The following KCNAB2 variants were observed in gnomAD, a reference collection of about 807,000 sequenced individuals.
KCNAB2 encodes potassium voltage-gated channel subfamily A regulatory beta subunit 2.
In KCNAB2, 29 loss-of-function variants were observed where a neutral mutation model predicts 63.6. The observed-to-expected ratio is 0.46, with a 90% CI of 0.34 to 0.62. The LOEUF is 0.62. Ranked by LOEUF, KCNAB2 falls within the 20% of genes least tolerant of loss-of-function variation. The pLI is 0.01. For missense variants in KCNAB2, 359 were observed against 563.9 expected, an observed-to-expected ratio of 0.64 and a Z score of 3.68; for synonymous variants, 222 against 224.2, an observed-to-expected ratio of 0.99 and a Z score of 0.09.
In KCNAB2 at chr1:5,994,482, C is replaced by T. The variant is rs138527694; in HGVS notation, c.-53+1694C>T. Among the ~76,000 whole-genome samples the T allele has an allele frequency of 8.2e-4, 125 of 152,358 alleles. No individual in the cohort carries two copies. The highest frequency in any genetic ancestry group is 2.5e-3 in the African/African-American group (105 of 41,576). On this transcript the variant is annotated intron_variant, in intron 1 of 16. Transcript: ENST00000341524. The surrounding 1 kb of genome is among the most constrained non-coding windows in gnomAD (Gnocchi z 5.4). ...GACAGTGTTCGGGCCGCAGCACATC[C>T]CTCGAGAGCAGCATGGTAGGGGCTT...
exon 1 of KCNAB2, chr1:6,034,711 T>C (rs886455058): frequency 6.6e-6 from 1 of 152,398 alleles, no homozygotes; most frequent in African/African-American, 2.4e-5. Context: ...TGGGCTGTGC[T>C]ACCTGCAGTA....
At chr1:6,016,016 T>C (rs536583495) in intron 1 of KCNAB2, among the ~76,000 whole-genome samples, 114 of 152,274 alleles carry the variant, frequency 7.5e-4, no homozygotes, top group Non-Finnish European at 1.4e-3. Context: ...GAGATGTTTT[T>C]ATTTAAAAAA....
intron 2 of KCNAB2, among the ~76,000 whole-genome samples, chr1:6,060,218 C>T (rs1226799981): frequency 6.6e-6 from 1 of 152,236 alleles, no homozygotes; most frequent in Non-Finnish European, 1.5e-5. Flanking sequence ...CTCCCTGGAG[C>T]CCTGCCATAC....
chr1:6,006,886 C>CAATG (rs1426795375), intron 1 of KCNAB2, among the ~76,000 whole-genome samples: 2 of 151,882 alleles, frequency 1.3e-5, no homozygotes, highest in Non-Finnish European at 2.9e-5. Flanking sequence ...ACCTAAAATA[C>CAATG]AATGATAAGA....
chr1:6,049,664 C>T (rs1259348149), intron 1 of KCNAB2, among the ~76,000 whole-genome samples: 2 of 152,208 alleles, frequency 1.3e-5, no homozygotes, highest in Admixed American at 6.5e-5. Flanking sequence ...CTACCCAGCT[C>T]CCTGTAGGGG....
intron 2 of KCNAB2, among the ~76,000 whole-genome samples, chr1:6,054,413 T>C (rs571949742): frequency 6.6e-6 from 1 of 152,230 alleles, no homozygotes; most frequent in South Asian, 2.1e-4. Context: ...GTGGGTTACA[T>C]GAGGCCAGGA....
At chr1:6,001,602 G>A (rs965735608) in intron 1 of KCNAB2, among the ~76,000 whole-genome samples, 1 of 152,184 alleles carries the variant, frequency 6.6e-6, no homozygotes, top group Non-Finnish European at 1.5e-5. Flanking sequence ...CAGTCTGTGT[G>A]AGCAGCAGGA....
upstream of KCNAB2, among the ~76,000 whole-genome samples, chr1:6,045,510 G>A (rs114318352): frequency 9.2e-3 from 1,404 of 152,250 alleles, 16 homozygotes; most frequent in African/African-American, 0.032. The surrounding 1 kb of genome is among the most constrained non-coding windows in gnomAD (Gnocchi z 4.8). Context: ...AGCAGGTTCT[G>A]GGGCCTTCCT....
chr1:6,085,329 T>C (rs151230534), intron 6 of KCNAB2, 81 bp downstream of exon 6: 1 of 1,299,288 alleles, frequency 7.7e-7, no homozygotes, highest in Non-Finnish European at 1.1e-6. Flanking sequence ...CGGCCTGTCG[T>C]GCAGTGTCGT....
chr1:6,079,540 A>T (rs1417769004), intron 4 of KCNAB2, among the ~76,000 whole-genome samples: 2 of 151,792 alleles, frequency 1.3e-5, no homozygotes, highest in Admixed American at 6.6e-5. Context: ...AAATAACCCC[A>T]GTCTTGGATA....
rs777404022 is a variant in KCNAB2 at position 6,005,927 on chromosome 1, C to T, written c.-53+13139C>T. On this transcript the variant is annotated intron_variant, in intron 1 of 16. Transcript: ENST00000341524. The stretch of plus-strand genomic sequence containing the variant: ...CCTCAGCTCAGCTCCCACATCCCCC[C>T]ACTCCACCCTCACCCCTCAGCTCAG... Among the ~76,000 whole-genome samples, 351 of 111,412 alleles carry T rather than the reference C, an allele frequency of 3.2e-3. 2 individuals are homozygous for T. Among genetic ancestry groups the T allele is most frequent in the Middle Eastern group, 9.7e-3 (2 of 206 alleles). 73.1% of individuals were successfully genotyped at this position (111,412 alleles called of 152,430 possible). A position where few individuals can be genotyped will look rare whatever the true frequency, so the allele number is the denominator to read the frequency against.
intron 1 of KCNAB2, among the ~76,000 whole-genome samples, chr1:6,037,278 C>G (rs533727443): frequency 2.0e-4 from 31 of 152,302 alleles, no homozygotes; most frequent in African/African-American, 7.5e-4. Flanking sequence ...GCACCTAGAC[C>G]CAAGAGAGAG....
rs1223296875 is a variant in KCNAB2, at chr1:6,069,182, C to T, written c.219-3573C>T. On this transcript the variant is annotated intron_variant, in intron 2 of 15. Transcript: ENST00000378083. This position sits in a 1 kb window ranked among gnomAD's most constrained non-coding sequence, Gnocchi z 5.4. ...CAGGCGTGCAAACATCATCACTGCA[C>T]GGAGCAGACAGGCGAGCAGGGCACT... 1.3e-5 allele frequency among the ~76,000 whole-genome samples: 2 copies of T among 152,184 alleles called. No individual in the cohort carries two copies. Among genetic ancestry groups the T allele is most frequent in the Non-Finnish European group, 1.5e-5 (1 of 68,030 alleles).
At chr1:6,001,330 A>T (rs1047634417) in intron 1 of KCNAB2, among the ~76,000 whole-genome samples, 33 of 130,108 alleles carry the variant, frequency 2.5e-4, no homozygotes, top group African/African-American at 7.4e-4. Flanking sequence ...ACACACACAC[A>T]CTCTCCCAAC....
upstream of KCNAB2, among the ~76,000 whole-genome samples, chr1:6,031,082 C>T (rs1470868649): frequency 1.3e-5 from 2 of 152,106 alleles, no homozygotes; most frequent in African/African-American, 4.8e-5. The surrounding 1 kb of genome is among the most constrained non-coding windows in gnomAD (Gnocchi z 4.1). Context: ...TCAACCAGAA[C>T]ATGTGGGTAA....
chr1:6,013,894 C>T (rs752966243), intron 1 of KCNAB2, among the ~76,000 whole-genome samples: 72 of 152,186 alleles, frequency 4.7e-4, no homozygotes, highest in Non-Finnish European at 6.0e-4. Context: ...TGGCTGTTCC[C>T]GTATTTGTCT....
rs2100638525 is a variant in KCNAB2 at position 6,069,202 on chromosome 1, G to C, written c.219-3553G>C. 6.6e-6 allele frequency among the ~76,000 whole-genome samples: 1 copy of C among 152,314 alleles called. No homozygotes were observed. Among genetic ancestry groups the C allele is most frequent in the South Asian group, 2.1e-4 (1 of 4,830 alleles). On this transcript the variant is annotated intron_variant, in intron 2 of 15. Transcript: ENST00000378083. The surrounding 1 kb of genome is among the most constrained non-coding windows in gnomAD (Gnocchi z 5.4). ...CTGCACGGAGCAGACAGGCGAGCAG[G>C]GCACTAACAGGAGCCACCCCATGTG...
intron 1 of KCNAB2, chr1:6,026,404 C>T (rs1262678021): frequency 1.3e-5 from 2 of 152,336 alleles, no homozygotes; most frequent in African/African-American, 2.4e-5. Flanking sequence ...CCTGAGTGCT[C>T]GGAAAATGGC....
chr1:6,014,838 T>C (rs1658389403), intron 1 of KCNAB2, among the ~76,000 whole-genome samples: 1 of 152,122 alleles, frequency 6.6e-6, no homozygotes, highest in African/African-American at 2.4e-5. Context: ...GCCAGAAGTT[T>C]CCTCTTTGAC....
Sources: allele counts gnomAD v4.1 joint callset (sites outside exome capture counted in the v4.1 genomes callset), GRCh38; gene constraint gnomAD v4.1.1; non-coding constraint Gnocchi (gnomAD v3.1); transcripts MANE v1.5; gene names NCBI Gene and HGNC (gene_info 2026-07-23, HGNC 2026-07-21).